The following ARHGAP10 variants were observed in gnomAD, a reference collection of about 807,000 sequenced individuals.
The protein encoded by ARHGAP10 is rho GTPase-activating protein 10.
In ARHGAP10, 87 loss-of-function variants were observed where a neutral mutation model predicts 108.6. The observed-to-expected ratio is 0.80, with a 90% CI of 0.67 to 0.96. ARHGAP10 has a LOEUF of 0.96. Among genes scored for constraint, ARHGAP10 ranks in the 40% least tolerant of loss-of-function variants. ARHGAP10 has a pLI of 0.00. For synonymous variants in ARHGAP10, 347 were observed against 341.1 expected, an observed-to-expected ratio of 1.02 and a Z score of -0.19; for missense variants, 939 against 954.5, an observed-to-expected ratio of 0.98 and a Z score of 0.21.
intron 1 of ARHGAP10, among the ~76,000 whole-genome samples, chr4:147,757,787 C>T (rs950081014): frequency 9.2e-5 from 14 of 152,298 alleles, no homozygotes; most frequent in Middle Eastern, 3.4e-3. Flanking sequence ...GTCCTTGTTT[C>T]GGAAGAGGCT....
intron 19 of ARHGAP10, among the ~76,000 whole-genome samples, chr4:148,037,408 A>G (rs1049646367): frequency 6.6e-6 from 1 of 152,208 alleles, no homozygotes; most frequent in Non-Finnish European, 1.5e-5. Flanking sequence ...AAGATGAGTC[A>G]TTGTTCTGAT....
At chr4:147,804,263 T>G (rs1203424204) in intron 1 of ARHGAP10, among the ~76,000 whole-genome samples, 1 of 152,206 alleles carries the variant, frequency 6.6e-6, no homozygotes, top group Non-Finnish European at 1.5e-5. Flanking sequence ...TATTTGGTTT[T>G]ATGTTCCTGC....
At chr4:148,068,050 C>T (rs543870283) in intron 22 of ARHGAP10, among the ~76,000 whole-genome samples, 10 of 151,676 alleles carry the variant, frequency 6.6e-5, no homozygotes, top group African/African-American at 2.4e-4. Context: ...CCTGTGATGG[C>T]CAGAGGGACC....
chr4:147,784,796 TTATAAA>T (rs1730787637), intron 1 of ARHGAP10, among the ~76,000 whole-genome samples: 1 of 29,336 alleles, frequency 3.4e-5, no homozygotes, highest in Non-Finnish European at 1.1e-4. Flanking sequence ...AAAATATATA[TTATAAA>T]TATAATATAT....
Position 147,914,607 on chromosome 4 carries a change from G to A in ARHGAP10, c.1228+1468G>A, listed in dbSNP as rs145916567. Among the ~76,000 whole-genome samples, 243 of 140,216 alleles carry A rather than the reference G, an allele frequency of 1.7e-3. 1 individual carries two copies. Among genetic ancestry groups the A allele is most frequent in the African/African-American group, 5.9e-3 (223 of 37,906 alleles). 92.0% of individuals were successfully genotyped at this position (140,216 alleles called of 152,430 possible). A position where few individuals can be genotyped will look rare whatever the true frequency, so the allele number is the denominator to read the frequency against. ...CATCTTCAGCATTTTTGTACAAATG[G>A]AATCATGCAGTTCATAGTCTTTTGA... On this transcript the variant is annotated intron_variant, in intron 13 of 22. Coordinates refer to ENST00000336498, the MANE Select transcript of ARHGAP10 (RefSeq NM_024605.4).
At chr4:147,956,521 G>A (rs1384438736) in intron 16 of ARHGAP10, among the ~76,000 whole-genome samples, 2 of 152,046 alleles carry the variant, frequency 1.3e-5, no homozygotes, top group Non-Finnish European at 2.9e-5. Flanking sequence ...AAGGGAGTGG[G>A]GGAAAATTTT....
chr4:147,810,353 C>A (rs1379370433), intron 1 of ARHGAP10, among the ~76,000 whole-genome samples: 1 of 152,220 alleles, frequency 6.6e-6, no homozygotes, highest in Non-Finnish European at 1.5e-5. Context: ...TCATTGTTCA[C>A]AGTTAACATT....
At chr4:147,907,619 C>A (rs189062083) in intron 11 of ARHGAP10, among the ~76,000 whole-genome samples, 1 of 152,044 alleles carries the variant, frequency 6.6e-6, no homozygotes, top group Non-Finnish European at 1.5e-5. Context: ...TAACAGAGAG[C>A]GCATTGGTGA....
intron 18 of ARHGAP10, among the ~76,000 whole-genome samples, chr4:147,993,789 T>C (rs1314842335): frequency 6.6e-6 from 1 of 152,250 alleles, no homozygotes; most frequent in Non-Finnish European, 1.5e-5. Context: ...GCAGAGGATA[T>C]AATGGATATA....
chr4:147,732,409 C>G lies in ARHGAP10; in HGVS notation c.108C>G (p.Ile36Met). The G allele has an allele frequency of 6.2e-7, 1 of 1,613,290 alleles. No individual in the cohort carries two copies. Among genetic ancestry groups the G allele is most frequent in the East Asian group, 2.2e-5 (1 of 44,792 alleles). The part of the protein sequence containing the change: ...EAELERTNKF[I>M]KELIKDGKNL... ...AACTCGAGAGGACCAACAAGTTCAT[C>G]AAAGAGCTCATTAAGGACGGGAAGA... The change falls in exon 1 of 23, where the codon ATC becomes ATG. Residue 36 changes from isoleucine (I) to methionine (M), a missense_variant. Coordinates refer to ENST00000336498, the MANE Select transcript of ARHGAP10 (RefSeq NM_024605.4).
In ARHGAP10 at chr4:147,892,569, CATGGGGGAGT is replaced by C. The variant is rs1735827982; in HGVS notation, c.1034+10638_1034+10647del. On this transcript the variant is annotated intron_variant, in intron 10 of 22. Coordinates refer to ENST00000336498, the MANE Select transcript of ARHGAP10 (RefSeq NM_024605.4). ...CTAAGGTGCTGTGGGAGTTGAGCAG[CATGGGGGAGT>C]GTGGGGTTGGCTGGGAGTGTGGGGT... Among the ~76,000 whole-genome samples the C allele has an allele frequency of 4.0e-5, 6 of 150,454 alleles. No individual in the cohort carries two copies. In the South Asian group the frequency reaches 1.3e-3, roughly 32 times the overall value.
intron 1 of ARHGAP10, among the ~76,000 whole-genome samples, chr4:147,768,741 CTTTTTT>C (rs34388709): frequency 7.9e-6 from 1 of 126,520 alleles, no homozygotes. Flanking sequence ...ATTTTCTTGT[CTTTTTT>C]TTTTTTTTTG....
intron 8 of ARHGAP10, among the ~76,000 whole-genome samples, chr4:147,878,931 T>C (rs1302288437): frequency 6.6e-6 from 1 of 152,108 alleles, no homozygotes; most frequent in East Asian, 1.9e-4. Flanking sequence ...CGCCTGCCAC[T>C]ATGCCTGGCT....
intron 1 of ARHGAP10, among the ~76,000 whole-genome samples, chr4:147,821,052 A>G (rs1233156884): frequency 2.0e-5 from 3 of 152,128 alleles, no homozygotes; most frequent in Non-Finnish European, 4.4e-5. Context: ...ATGCATGTAC[A>G]GGGCTGGCTG....
intron 11 of ARHGAP10, among the ~76,000 whole-genome samples, chr4:147,908,564 G>A (rs1736597465): frequency 6.6e-6 from 1 of 152,196 alleles, no homozygotes. Context: ...GCATATTTTT[G>A]GTGGGTGTTG....
intron 1 of ARHGAP10, among the ~76,000 whole-genome samples, chr4:147,772,536 T>C (rs181328134): frequency 4.6e-5 from 7 of 152,378 alleles, no homozygotes; most frequent in Non-Finnish European, 7.3e-5. Context: ...CACAGGCCTG[T>C]GCCTTGTGGC....
chr4:148,021,431 T>G (rs1287543216), intron 18 of ARHGAP10, among the ~76,000 whole-genome samples: 1 of 152,240 alleles, frequency 6.6e-6, no homozygotes, highest in Non-Finnish European at 1.5e-5. Context: ...TCATTGCTAA[T>G]TTATGCTTTG....
At chr4:147,989,275 G>A (rs142731783) in intron 18 of ARHGAP10, among the ~76,000 whole-genome samples, 153 of 152,338 alleles carry the variant, frequency 1.0e-3, no homozygotes, top group Admixed American at 8.8e-3. Flanking sequence ...GAGGCAGGGC[G>A]AGATCACAGG....
At chr4:147,904,965 C>T (rs1736415345) in intron 10 of ARHGAP10, among the ~76,000 whole-genome samples, 1 of 152,160 alleles carries the variant, frequency 6.6e-6, no homozygotes, top group African/African-American at 2.4e-5. Flanking sequence ...ATTTGATTTG[C>T]ATTTCTCTGA....
Sources: allele counts gnomAD v4.1 joint callset (sites outside exome capture counted in the v4.1 genomes callset), GRCh38; gene constraint gnomAD v4.1.1; transcripts MANE v1.5; gene names NCBI Gene and HGNC (gene_info 2026-07-23, HGNC 2026-07-21).